Variants in GRM1 observed in about 807,000 individuals in gnomAD.
GRM1 encodes the protein glutamate metabotropic receptor 1.
A neutral mutation model predicts 90.9 loss-of-function variants in GRM1; 33 were observed. The observed-to-expected ratio is 0.36, with a 90% CI of 0.28 to 0.49. The LOEUF (loss-of-function observed/expected upper bound fraction) is 0.49, where lower values mean the gene tolerates loss of function less well. GRM1 is among the 20% of genes least tolerant of loss of function. The pLI is 0.99. For synonymous variants in GRM1, 700 were observed against 613.2 expected, an observed-to-expected ratio of 1.14 and a Z score of -2.09; for missense variants, 1,190 against 1,534.3, an observed-to-expected ratio of 0.78 and a Z score of 3.75.
At chr6:146,092,215 C>T (rs149725699) in intron 1 of GRM1, among the ~76,000 whole-genome samples, 330 of 152,144 alleles carry the variant, frequency 2.2e-3, no homozygotes, top group African/African-American at 7.6e-3. Context: ...TAGACAGCTA[C>T]CTTCCCCTTA....
At chr6:146,085,645 G>T (rs1470336474) in intron 1 of GRM1, among the ~76,000 whole-genome samples, 2 of 151,910 alleles carry the variant, frequency 1.3e-5, no homozygotes. Context: ...AGAGGGAAGT[G>T]GTATCTTCTA....
intron 1 of GRM1, among the ~76,000 whole-genome samples, chr6:146,158,190 A>G (rs1777587115): frequency 6.6e-6 from 1 of 152,198 alleles, no homozygotes; most frequent in African/African-American, 2.4e-5. Flanking sequence ...GTTGGGTTTA[A>G]CTAGCATTAA....
rs973769543 is a variant in GRM1 at position 146,399,810 on chromosome 6, G to A, written c.2660+111G>A. 5.3e-6 allele frequency: 4 copies of A among 756,090 alleles called. No homozygotes were observed. The Admixed American group carries it at 6.2e-5, about 12-fold the overall frequency. The allele number at this position is 756,090 out of a possible 1,614,324, so 46.8% of individuals were successfully genotyped here. ...CTCATATCTTCCTCTAGTTTTCTGA[G>A]TTGTCTCTTCCATTTCCCCCATGTC... On this transcript the variant is annotated intron_variant, in intron 7 of 7. Transcript: ENST00000282753. The surrounding 1 kb of genome is among the most constrained non-coding windows in gnomAD (Gnocchi z 5.4).
At chr6:146,267,043 C>T (rs1050292613) in intron 2 of GRM1, among the ~76,000 whole-genome samples, 43 of 152,296 alleles carry the variant, frequency 2.8e-4, no homozygotes, top group African/African-American at 6.5e-4. Context: ...CTCTCCCTCC[C>T]CCTACCCTCC....
At chr6:146,030,596 G>A (rs964215006) in intron 1 of GRM1, among the ~76,000 whole-genome samples, 1 of 152,190 alleles carries the variant, frequency 6.6e-6, no homozygotes, top group African/African-American at 2.4e-5. Context: ...GGTGTAATGA[G>A]TTAATTCAGT....
chr6:146,278,816 A>G (rs1782465532), intron 2 of GRM1, among the ~76,000 whole-genome samples: 1 of 152,114 alleles, frequency 6.6e-6, no homozygotes, highest in Non-Finnish European at 1.5e-5. Flanking sequence ...TCTTCCTTAA[A>G]TATTTAATGG....
intron 1 of GRM1, among the ~76,000 whole-genome samples, chr6:146,131,431 A>T (rs963393460): frequency 6.6e-6 from 1 of 151,768 alleles, no homozygotes; most frequent in Non-Finnish European, 1.5e-5. Flanking sequence ...CTCAGCTGTA[A>T]TGTGAAGATT....
intron 7 of GRM1, among the ~76,000 whole-genome samples, chr6:146,414,662 G>A (rs1029407931): frequency 1.5e-4 from 23 of 152,196 alleles, no homozygotes; most frequent in South Asian, 6.2e-4. Context: ...TCGGCCTCCC[G>A]AAGTGCTGGC....
intron 1 of GRM1, among the ~76,000 whole-genome samples, chr6:146,082,341 A>C (rs1776391493): frequency 6.6e-6 from 1 of 152,086 alleles, no homozygotes; most frequent in Non-Finnish European, 1.5e-5. Context: ...TTTTTAGTAG[A>C]GACAGGGTTT....
At chr6:146,133,139 C>G (rs1776472915) in intron 1 of GRM1, among the ~76,000 whole-genome samples, 1 of 152,144 alleles carries the variant, frequency 6.6e-6, no homozygotes, top group South Asian at 2.1e-4. Context: ...CTTGGAAGAG[C>G]TAAATCAACA....
chr6:146,170,913 C>A (rs948750174), intron 2 of GRM1, among the ~76,000 whole-genome samples: 4 of 152,024 alleles, frequency 2.6e-5, no homozygotes, highest in African/African-American at 9.6e-5. Flanking sequence ...AATCCTGTTC[C>A]TCTTCTCTGG....
chr6:146,395,960 C>T (rs1048287373), intron 6 of GRM1, among the ~76,000 whole-genome samples: 13 of 152,022 alleles, frequency 8.6e-5, no homozygotes, highest in South Asian at 2.1e-4. Flanking sequence ...TATTTTATCT[C>T]CTAATTTGTC....
intron 1 of GRM1, among the ~76,000 whole-genome samples, chr6:146,093,886 A>T (rs1776792762): frequency 1.3e-5 from 2 of 152,078 alleles, no homozygotes; most frequent in Non-Finnish European, 2.9e-5. Flanking sequence ...TACTCGAATA[A>T]CAGGGGAATG....
chr6:146,221,029 G>A (rs1780040965), intron 2 of GRM1, among the ~76,000 whole-genome samples: 1 of 151,912 alleles, frequency 6.6e-6, no homozygotes, highest in African/African-American at 2.4e-5. Flanking sequence ...ACTGAAACCA[G>A]GTAAGAGTCT....
At chr6:146,288,925 C>T (rs1047476493) in intron 2 of GRM1, among the ~76,000 whole-genome samples, 2 of 152,158 alleles carry the variant, frequency 1.3e-5, no homozygotes, top group Non-Finnish European at 2.9e-5. Flanking sequence ...TAGTACAATG[C>T]ACTGCTCACA....
At chr6:146,228,168 G>A (rs1780316861) in intron 2 of GRM1, among the ~76,000 whole-genome samples, 1 of 152,168 alleles carries the variant, frequency 6.6e-6, no homozygotes, top group African/African-American at 2.4e-5. Flanking sequence ...TTGCTGAAGA[G>A]GATTGATTTT....
At chr6:146,394,101 A>T (rs1776840063) in intron 6 of GRM1, among the ~76,000 whole-genome samples, 1 of 152,198 alleles carries the variant, frequency 6.6e-6, no homozygotes, top group Non-Finnish European at 1.5e-5. Context: ...TACACCTTAT[A>T]CAAAAATTAA....
chr6:146,275,440 G>C (rs1267470220), intron 2 of GRM1, among the ~76,000 whole-genome samples: 1 of 152,050 alleles, frequency 6.6e-6, no homozygotes, highest in African/African-American at 2.4e-5. Context: ...TGGGAATCAA[G>C]TTCATTTCAT....
At chr6:146,308,995 C>T (rs1457788581) in intron 3 of GRM1, among the ~76,000 whole-genome samples, 2 of 152,092 alleles carry the variant, frequency 1.3e-5, no homozygotes, top group Non-Finnish European at 2.9e-5. Context: ...AAAAATGTTG[C>T]AGTGATATAA....
Sources: allele counts gnomAD v4.1 joint callset (sites outside exome capture counted in the v4.1 genomes callset), GRCh38; gene constraint gnomAD v4.1.1; non-coding constraint Gnocchi (gnomAD v3.1); transcripts MANE v1.5; gene names NCBI Gene and HGNC (gene_info 2026-07-23, HGNC 2026-07-21).